Variants in MACROD2 observed in about 807,000 individuals in gnomAD.
The protein encoded by MACROD2 is mono-ADP ribosylhydrolase 2, also known as ADP-ribose glycohydrolase MACROD2.
A neutral mutation model predicts 70.4 loss-of-function variants in MACROD2; 36 were observed. That is an observed-to-expected ratio of 0.51 (90% confidence interval 0.39 to 0.68). The LOEUF is 0.68. Among genes scored for constraint, MACROD2 ranks in the 30% least tolerant of loss-of-function variants. MACROD2 has a pLI of 0.00. For missense variants in MACROD2, 496 were observed against 538.4 expected (o/e 0.92, Z 0.78); for synonymous variants, 172 against 178.8 (o/e 0.96, Z 0.30).
intron 5 of MACROD2, among the ~76,000 whole-genome samples, chr20:14,777,811 A>C (rs1366244561): frequency 6.6e-6 from 1 of 152,134 alleles, no homozygotes; most frequent in East Asian, 1.9e-4. Flanking sequence ...ATCCTCCCAT[A>C]CCAACAGCAG....
intron 3 of MACROD2, among the ~76,000 whole-genome samples, chr20:14,484,466 T>G (rs2084698735): frequency 2.0e-5 from 3 of 152,154 alleles, no homozygotes; most frequent in Admixed American, 2.0e-4. Context: ...TTTAGTTATT[T>G]TTAAATATAC....
intron 5 of MACROD2, among the ~76,000 whole-genome samples, chr20:15,229,680 A>C (rs2076942737): frequency 6.6e-6 from 1 of 152,154 alleles, no homozygotes; most frequent in Non-Finnish European, 1.5e-5. Flanking sequence ...TGTCACTTGA[A>C]TCTGACCAAA....
intron 6 of MACROD2, among the ~76,000 whole-genome samples, chr20:15,405,148 G>A (rs1029640163): frequency 5.9e-5 from 9 of 151,768 alleles, no homozygotes; most frequent in African/African-American, 2.2e-4. Context: ...AATGAGGAGC[G>A]ACTGCTAATG....
chr20:14,524,042 A>C (rs566735057), intron 4 of MACROD2, among the ~76,000 whole-genome samples: 1 of 152,340 alleles, frequency 6.6e-6, no homozygotes, highest in East Asian at 1.9e-4. Context: ...CAGTCCTTTA[A>C]GGATGATAGA....
At chr20:15,267,033 G>A (rs2077301508) in intron 6 of MACROD2, among the ~76,000 whole-genome samples, 1 of 152,216 alleles carries the variant, frequency 6.6e-6, no homozygotes, top group Non-Finnish European at 1.5e-5. Flanking sequence ...ACAACTAGGG[G>A]CTAAAGCCAT....
chr20:14,622,002 CT>C (rs1983853819), intron 4 of MACROD2: 2 of 152,154 alleles, frequency 1.3e-5, no homozygotes, highest in African/African-American at 4.8e-5. Flanking sequence ...ATAATTCCTG[CT>C]TACCTAATAG....
chr20:14,097,253 A>C (rs2054240514), intron 3 of MACROD2, among the ~76,000 whole-genome samples: 1 of 152,110 alleles, frequency 6.6e-6, no homozygotes, highest in African/African-American at 2.4e-5. Flanking sequence ...TCTTTTCTAG[A>C]GCTTGGGGAT....
chr20:15,600,193 G>T (rs1359119776), intron 8 of MACROD2, among the ~76,000 whole-genome samples: 1 of 151,960 alleles, frequency 6.6e-6, no homozygotes, highest in African/African-American at 2.4e-5. Context: ...TGTCTTTCTA[G>T]GTGACACTGC....
intron 5 of MACROD2, among the ~76,000 whole-genome samples, chr20:14,700,340 A>C (rs1220215768): frequency 6.6e-5 from 10 of 151,322 alleles, no homozygotes; most frequent in Non-Finnish European, 2.9e-5. Flanking sequence ...ATGATATTAT[A>C]AGCTGAGTTT....
intron 5 of MACROD2, among the ~76,000 whole-genome samples, chr20:14,742,749 A>G (rs1030301538): frequency 6.6e-6 from 1 of 151,452 alleles, no homozygotes; most frequent in Non-Finnish European, 1.5e-5. Context: ...CAAAAGTAAT[A>G]TAAACTTTAT....
At chr20:15,381,041 A>G (rs138948116) in intron 6 of MACROD2, among the ~76,000 whole-genome samples, 34 of 152,348 alleles carry the variant, frequency 2.2e-4, no homozygotes, top group African/African-American at 8.2e-4. Flanking sequence ...TAGATTGACT[A>G]CAGGTACAAA....
chr20:15,267,464 A>C (rs2146058672), intron 6 of MACROD2, among the ~76,000 whole-genome samples: 2 of 152,142 alleles, frequency 1.3e-5, no homozygotes, highest in Middle Eastern at 6.8e-3. Context: ...ACAAGATAGG[A>C]GCTCAAAACC....
At chr20:15,839,169 A>G (rs1382414168) in intron 8 of MACROD2, among the ~76,000 whole-genome samples, 2 of 152,178 alleles carry the variant, frequency 1.3e-5, no homozygotes, top group Non-Finnish European at 2.9e-5. Flanking sequence ...TCCTTACAAT[A>G]TATCTCTTCA....
At chr20:14,226,027 G>A (rs1402129450) in intron 3 of MACROD2, among the ~76,000 whole-genome samples, 1 of 152,196 alleles carries the variant, frequency 6.6e-6, no homozygotes, top group Non-Finnish European at 1.5e-5. Flanking sequence ...AAGCAGGTAG[G>A]TTGTATCTGG....
At chr20:15,810,407 A>C (rs1473198811) in intron 8 of MACROD2, among the ~76,000 whole-genome samples, 4 of 151,552 alleles carry the variant, frequency 2.6e-5, no homozygotes, top group African/African-American at 9.7e-5. Context: ...GTCAAATGGT[A>C]TTTCTAGTTC....
rs554385208 is a variant in MACROD2, at chr20:15,007,313, G to A, written c.419-222627G>A. Reference sequence around the variant, plus strand: ...TGGGAGTTGGAGGTTGCGGTGAGCCGAGATTGCACCACTGCACTCCAGCCT... The same window carrying A: ...TGGGAGTTGGAGGTTGCGGTGAGCCAAGATTGCACCACTGCACTCCAGCCT... On this transcript the variant is annotated intron_variant, in intron 5 of 17. Coordinates refer to ENST00000684519, the MANE Select transcript of MACROD2 (RefSeq NM_001351661.2). Among the ~76,000 whole-genome samples the A allele has an allele frequency of 3.3e-5, 5 of 151,898 alleles. No homozygotes were observed. The South Asian group carries it at 6.2e-4, about 19-fold the overall frequency.
At chr20:14,178,111 T>C (rs2081277775) in intron 3 of MACROD2, among the ~76,000 whole-genome samples, 1 of 152,124 alleles carries the variant, frequency 6.6e-6, no homozygotes, top group Non-Finnish European at 1.5e-5. Context: ...AAAAGGCTGA[T>C]ATCTCTAATA....
At chr20:14,440,492 A>G (rs2084109114) in intron 3 of MACROD2, among the ~76,000 whole-genome samples, 1 of 152,212 alleles carries the variant, frequency 6.6e-6, no homozygotes, top group South Asian at 2.1e-4. Flanking sequence ...CCTGGCTAAT[A>G]GTAATTGTTT....
intron 4 of MACROD2, among the ~76,000 whole-genome samples, chr20:14,653,895 G>A (rs142027803): frequency 2.6e-5 from 4 of 152,260 alleles, no homozygotes; most frequent in Non-Finnish European, 4.4e-5. Context: ...GAGTTCCCCA[G>A]CAGAACTGAT....
Sources: allele counts gnomAD v4.1 joint callset (sites outside exome capture counted in the v4.1 genomes callset), GRCh38; gene constraint gnomAD v4.1.1; transcripts MANE v1.5; gene names NCBI Gene and HGNC (gene_info 2026-07-23, HGNC 2026-07-21).